The following SAMD15 variants were observed in gnomAD, a reference collection of about 807,000 sequenced individuals.
SAMD15 encodes sterile alpha motif domain-containing protein 15.
In SAMD15, 37 loss-of-function variants were observed where a neutral mutation model predicts 50.5. That is an observed-to-expected ratio of 0.73 (90% CI 0.56 to 0.96). The LOEUF is 0.96. SAMD15 is among the 40% of genes least tolerant of loss of function. The probability of loss-of-function intolerance (pLI) is 0.00; values close to 1 mark genes in which losing one functional copy is unlikely to be tolerated. For synonymous variants in SAMD15, 255 were observed against 282.8 expected, an observed-to-expected ratio of 0.90 and a Z score of 0.99; for missense variants, 789 against 783.8, an observed-to-expected ratio of 1.01 and a Z score of -0.08.
intron 1 of SAMD15, among the ~76,000 whole-genome samples, chr14:77,379,435 G>A (rs1893916906): frequency 6.6e-6 from 1 of 151,034 alleles, no homozygotes; most frequent in South Asian, 2.1e-4. Flanking sequence ...CAAGGTTGGA[G>A]TGCAGTGGCA....
rs1894075381 is a variant in SAMD15, at chr14:77,391,712, A to G, written c.*468A>G. Among the ~76,000 whole-genome samples, 1 of 151,766 alleles carries G rather than the reference A, an allele frequency of 6.6e-6. No individual in the cohort carries two copies. The highest frequency in any genetic ancestry group is 1.5e-5 in the Non-Finnish European group (1 of 67,980). ...ACCCTCCCTTTCTTTTTGCAATTTA[A>G]CCCCTTGTTAAAACAAAGATAGTCA... On this transcript the variant is annotated 3_prime_UTR_variant, in exon 3 of 3. Transcript: ENST00000216471.
chr14:77,377,758 G>C lies in SAMD15; in HGVS notation c.340G>C (p.Glu114Gln), dbSNP rs1472816314. ...AGAGGTAAAGTCGGAAACATCCAGAGAGATGGGAGAGTTTTTCAAAGATTT... is the reference window on the plus strand; with the variant it reads ...AGAGGTAAAGTCGGAAACATCCAGACAGATGGGAGAGTTTTTCAAAGATTT... ...HQEVKSETSR[E>Q]MGEFFKDLEA... The change falls in exon 1 of 3, where the codon GAG (glutamate) becomes CAG (glutamine). Residue 114 changes from glutamate (E) to glutamine (Q), a missense_variant. Around this residue, in one of 2 missense-constraint regions of SAMD15, gnomAD observed 770 missense variants for 745.4 expected, o/e 1.03. Transcript: ENST00000216471. The C allele has an allele frequency of 4.3e-6, 7 of 1,614,190 alleles. No individual in the cohort carries two copies. Among genetic ancestry groups the C allele is most frequent in the Non-Finnish European group, 5.9e-6 (7 of 1,180,022 alleles).
rs1269934677 is a variant in SAMD15 at position 77,388,160 on chromosome 14, A to G, written c.1789-2848A>G. On this transcript the variant is annotated intron_variant, in intron 2 of 2. Transcript: ENST00000216471. ...CAGTGGGCACACAGCTCTTTTTGTTAATAATGTGTATATGACTGCAGTGTA... is the reference window on the plus strand; with the variant it reads ...CAGTGGGCACACAGCTCTTTTTGTTGATAATGTGTATATGACTGCAGTGTA... Among the ~76,000 whole-genome samples the G allele has an allele frequency of 2.0e-5, 3 of 152,200 alleles. No homozygotes were observed. The East Asian group carries it at 5.8e-4, about 29-fold the overall frequency.
chr14:77,383,365 T>G (rs1893968135), intron 2 of SAMD15, among the ~76,000 whole-genome samples: 1 of 152,214 alleles, frequency 6.6e-6, no homozygotes, highest in Non-Finnish European at 1.5e-5. Context: ...AGACAATTCA[T>G]TCAGCTCCCT....
Position 77,377,746 on chromosome 14 carries a change from G to T in SAMD15, c.328G>T (p.Glu110Ter). 6.2e-7 allele frequency: 1 copy of T among 1,614,196 alleles called. No individual in the cohort carries two copies. Among genetic ancestry groups the T allele is most frequent in the Non-Finnish European group, 8.5e-7 (1 of 1,180,042 alleles). The change falls in exon 1 of 3, where the codon GAA (glutamate) becomes TAA (stop). Residue 110 changes from glutamate to a stop codon, truncating the protein, a stop_gained. Coordinates refer to ENST00000216471, the MANE Select transcript of SAMD15 (RefSeq NM_001010860.4). LOFTEE classifies it high-confidence loss of function. ...EPGIHQEVKS[E>*]TSREMGEFFK... ...AGGGATACACCAAGAGGTAAAGTCG[G>T]AAACATCCAGAGAGATGGGAGAGTT...
intron 2 of SAMD15, among the ~76,000 whole-genome samples, chr14:77,382,921 G>C (rs1256213095): frequency 7.0e-6 from 1 of 142,206 alleles, no homozygotes; most frequent in Non-Finnish European, 1.5e-5. Flanking sequence ...TCACCATGTT[G>C]GCCATGCTGG....
intron 2 of SAMD15, among the ~76,000 whole-genome samples, chr14:77,382,612 T>C (rs1245498169): frequency 6.9e-6 from 1 of 144,170 alleles, no homozygotes; most frequent in African/African-American, 2.8e-5. Flanking sequence ...CTTGTGTGAC[T>C]TCCCAATCCA....
rs144367046 is a variant in SAMD15 at position 77,377,532 on chromosome 14, C to A, written c.114C>A (p.Asp38Glu). The A allele has an allele frequency of 8.7e-6, 14 of 1,614,014 alleles. No homozygotes were observed. In the African/African-American group the frequency reaches 1.7e-4, roughly 20 times the overall value. Reference protein sequence around the residue: ...LHKLYENAEPDTMAKADSKLP... With the variant: ...LHKLYENAEPETMAKADSKLP... The stretch of plus-strand genomic sequence containing the variant: ...AATTGTATGAAAATGCCGAACCAGA[C>A]ACCATGGCAAAGGCAGACTCGAAGC... The change falls in exon 1 of 3, where the codon GAC becomes GAA. Residue 38 changes from aspartate to glutamate, a missense_variant. Asp to Glu is a conservative substitution (Grantham distance 45). Around this residue, in one of 2 missense-constraint regions of SAMD15, gnomAD observed 770 missense variants for 745.4 expected, o/e 1.03. Coordinates refer to ENST00000216471, the MANE Select transcript of SAMD15 (RefSeq NM_001010860.4).
chr14:77,389,130 A>C (rs112732980), intron 2 of SAMD15, among the ~76,000 whole-genome samples: 23 of 152,254 alleles, frequency 1.5e-4, no homozygotes, highest in African/African-American at 5.1e-4. Context: ...AACAAACAAA[A>C]AAAAACAGAA....
Position 77,384,142 on chromosome 14 carries a change from C to T in SAMD15, c.1788+3661C>T, listed in dbSNP as rs370430060. On this transcript the variant is annotated intron_variant, in intron 2 of 2. Coordinates refer to ENST00000216471, the MANE Select transcript of SAMD15 (RefSeq NM_001010860.4). Reference sequence around the variant, plus strand: ...AGTTCACCCACAATTTATCCCATAACAACAGTTAAATAGTATAGTTATCTT... The same window carrying T: ...AGTTCACCCACAATTTATCCCATAATAACAGTTAAATAGTATAGTTATCTT... 1.1e-4 allele frequency among the ~76,000 whole-genome samples: 17 copies of T among 152,150 alleles called. No homozygotes were observed. In the East Asian group the frequency reaches 1.7e-3, roughly 15 times the overall value.
intron 1 of SAMD15, among the ~76,000 whole-genome samples, chr14:77,380,092 T>C (rs1893923936): frequency 6.6e-6 from 1 of 152,082 alleles, no homozygotes; most frequent in Non-Finnish European, 1.5e-5. Context: ...AGAGCTTACA[T>C]GGAAAAATTG....
intron 2 of SAMD15, among the ~76,000 whole-genome samples, chr14:77,381,698 T>C (rs897792325): frequency 1.3e-5 from 2 of 152,230 alleles, no homozygotes; most frequent in African/African-American, 4.8e-5. Context: ...TGTTAATACC[T>C]GAGTCCTTTT....
At chr14:77,387,062 A>G (rs368925172) in intron 2 of SAMD15, among the ~76,000 whole-genome samples, 6 of 152,178 alleles carry the variant, frequency 3.9e-5, no homozygotes, top group African/African-American at 1.4e-4. Flanking sequence ...AATAATCCTT[A>G]CTAACTCAAG....
rs1176573143 is a variant in SAMD15, at chr14:77,378,067, C to G, written c.649C>G (p.Pro217Ala). ...EPPEQTKQDFPSEKLGESLEE... is the reference protein window; with the variant it reads ...EPPEQTKQDFASEKLGESLEE... Reference sequence around the variant, plus strand: ...TCCAGAGCAGACCAAACAAGATTTTCCAAGTGAGAAACTAGGAGAATCACT... The same window carrying G: ...TCCAGAGCAGACCAAACAAGATTTTGCAAGTGAGAAACTAGGAGAATCACT... Residue 217 changes from proline (P) to alanine (A), a missense_variant, in exon 1 of 3, where the codon CCA (proline) becomes GCA (alanine). Pro to Ala is a conservative substitution (Grantham distance 27). Around this residue, in one of 2 missense-constraint regions of SAMD15, gnomAD observed 770 missense variants for 745.4 expected, o/e 1.03. Transcript: ENST00000216471. The G allele has an allele frequency of 1.2e-6, 2 of 1,613,888 alleles. No individual in the cohort carries two copies. Among genetic ancestry groups the G allele is most frequent in the Non-Finnish European group, 1.7e-6 (2 of 1,180,002 alleles).
intron 2 of SAMD15, among the ~76,000 whole-genome samples, chr14:77,384,445 T>G (rs1205342333): frequency 6.6e-6 from 1 of 152,210 alleles, no homozygotes; most frequent in Non-Finnish European, 1.5e-5. Context: ...ATTCAGTCAT[T>G]GATATTAGTG....
In SAMD15 at chr14:77,377,878, G is replaced by C. The variant is rs144311118; in HGVS notation, c.460G>C (p.Ala154Pro). 13 of 1,614,028 alleles carry C rather than the reference G, an allele frequency of 8.1e-6. No homozygotes were observed. The African/African-American group carries it at 1.7e-4, about 22-fold the overall frequency. The change falls in exon 1 of 3, where the codon GCT becomes CCT. Residue 154 changes from alanine to proline, a missense_variant. By Grantham distance (27) the Ala-to-Pro change is conservative. Coordinates refer to ENST00000216471, the MANE Select transcript of SAMD15 (RefSeq NM_001010860.4). ...NVTEDVFLES[A>P]METDPDPVPP... ...TACAGAGGATGTGTTCCTAGAGTCA[G>C]CTATGGAAACAGATCCAGATCCAGT...
In SAMD15 at chr14:77,378,919, C is replaced by G. The variant is rs201403125; in HGVS notation, c.1501C>G (p.Gln501Glu). Residue 501 changes from glutamine to glutamate, a missense_variant, in exon 1 of 3, where the codon CAG becomes GAG. This residue lies in a region of SAMD15 where 770 missense variants were observed against 745.4 expected (regional missense o/e 1.03). Coordinates refer to ENST00000216471, the MANE Select transcript of SAMD15 (RefSeq NM_001010860.4). Reference sequence around the variant, plus strand: ...CTCATACTCAGATCCCTCAGAGTCTCAGACAGAATTAAGTGAGTTCGTTCA... The same window carrying G: ...CTCATACTCAGATCCCTCAGAGTCTGAGACAGAATTAAGTGAGTTCGTTCA... Reference protein sequence around the residue: ...ECSYSDPSESQTELSEFVHEK... With the variant: ...ECSYSDPSESETELSEFVHEK... The G allele has an allele frequency of 2.2e-5, 36 of 1,613,978 alleles. No homozygotes were observed. The East Asian group carries it at 7.1e-4, about 32-fold the overall frequency.
At position 77,378,015 on chromosome 14, in the gene SAMD15, G is replaced by A. The variant is rs1035722301; in HGVS notation, c.597G>A (p.Val199=). The A allele has an allele frequency of 3.5e-5, 56 of 1,613,810 alleles. 1 individual carries two copies. In the East Asian group the frequency reaches 1.1e-3, roughly 32 times the overall value. ...GGGTTCCAGAGGAATCACTTAGAGT[G>A]CAACATGAAGAGACAGGTCTAGAGC... ...EPGVPEESLR[V]QHEETGLEPP... The change falls in exon 1 of 3, where the codon GTG becomes GTA. Residue 199 remains valine, a synonymous_variant. Coordinates refer to ENST00000216471, the MANE Select transcript of SAMD15 (RefSeq NM_001010860.4).
intron 2 of SAMD15, among the ~76,000 whole-genome samples, chr14:77,383,827 G>A (rs962507150): frequency 3.9e-5 from 6 of 151,960 alleles, no homozygotes; most frequent in Non-Finnish European, 5.9e-5. Flanking sequence ...AAAAAAATTA[G>A]CTAGGCATGT....
Sources: allele counts gnomAD v4.1 joint callset (sites outside exome capture counted in the v4.1 genomes callset), GRCh38; gene constraint gnomAD v4.1.1; regional missense constraint gnomAD v4.1.1; transcripts MANE v1.5; gene names NCBI Gene and HGNC (gene_info 2026-07-23, HGNC 2026-07-21).